The following PCCA variants were observed in gnomAD, a reference collection of about 807,000 sequenced individuals.
PCCA encodes the protein propionyl-CoA carboxylase alpha chain, mitochondrial.
A neutral mutation model predicts 101.3 loss-of-function variants in PCCA; 74 were observed. The ratio of observed to expected loss-of-function variants is 0.73; its 90% confidence interval spans 0.61 to 0.89. PCCA has a LOEUF of 0.89. PCCA is among the 40% of genes least tolerant of loss of function. The pLI is 0.00. For missense variants in PCCA, 891 were observed against 907.0 expected (o/e 0.98, Z 0.23); for synonymous variants, 294 against 313.6 (o/e 0.94, Z 0.66).
intron 20 of PCCA, among the ~76,000 whole-genome samples, 164 bp from the exon 21 acceptor site, chr13:100,449,088 C>A (rs776200569): frequency 1.3e-5 from 2 of 152,216 alleles, no homozygotes; most frequent in Non-Finnish European, 2.9e-5. Flanking sequence ...TGTATCACTA[C>A]TTCATTCCTT....
At chr13:100,224,010 T>C (rs2059981178) in intron 7 of PCCA, among the ~76,000 whole-genome samples, 1 of 152,268 alleles carries the variant, frequency 6.6e-6, no homozygotes, top group Admixed American at 6.5e-5. Context: ...GCACCGGGGC[T>C]GCAGGTGGAG....
intron 5 of PCCA, among the ~76,000 whole-genome samples, chr13:100,155,655 A>C (rs2053804785): frequency 6.6e-6 from 1 of 152,218 alleles, no homozygotes; most frequent in African/African-American, 2.4e-5. Flanking sequence ...TTCTGATATC[A>C]GAAACAGTGT....
At chr13:100,320,188 CTGCTGAAAT>C (rs1333090667) in intron 16 of PCCA, among the ~76,000 whole-genome samples, 2 of 152,056 alleles carry the variant, frequency 1.3e-5, no homozygotes, top group African/African-American at 2.4e-5. Flanking sequence ...TATCCTGAGA[CTGCTGAAAT>C]TGCTTATCAG....
chr13:100,184,279 T>C (rs1397474426), intron 6 of PCCA, among the ~76,000 whole-genome samples: 1 of 152,188 alleles, frequency 6.6e-6, no homozygotes, highest in Non-Finnish European at 1.5e-5. Context: ...AGTTCCTGTC[T>C]CTTGATTGTT....
chr13:100,105,819 T>C (rs1192988741), intron 2 of PCCA, among the ~76,000 whole-genome samples: 2 of 109,866 alleles, frequency 1.8e-5, no homozygotes, highest in Admixed American at 2.9e-4. Flanking sequence ...TCCAGACTGC[T>C]AGGCTAAAGG....
chr13:100,433,756 C>T (rs1595886284), intron 20 of PCCA, among the ~76,000 whole-genome samples: 1 of 152,286 alleles, frequency 6.6e-6, no homozygotes, highest in Admixed American at 6.5e-5. Context: ...TTCTTGCTTG[C>T]TTTATATTGT....
intron 11 of PCCA, among the ~76,000 whole-genome samples, chr13:100,269,517 C>T (rs781547160): frequency 1.3e-5 from 2 of 152,118 alleles, no homozygotes; most frequent in Non-Finnish European, 2.9e-5. Flanking sequence ...ATTATCAGAG[C>T]CACTTTGGGT....
chr13:100,353,807 G>A (rs1331612080), intron 18 of PCCA, among the ~76,000 whole-genome samples: 3 of 151,990 alleles, frequency 2.0e-5, no homozygotes, highest in African/African-American at 7.2e-5. Flanking sequence ...ACAAGAATAT[G>A]CTGCGCATGG....
At chr13:100,275,104 C>T (rs1485189673) in intron 12 of PCCA, among the ~76,000 whole-genome samples, 1 of 152,050 alleles carries the variant, frequency 6.6e-6, no homozygotes, top group Non-Finnish European at 1.5e-5. Flanking sequence ...CTGGGTCGAG[C>T]TTAAGCCTTC....
At chr13:100,344,050 G>A (rs180743772) in intron 18 of PCCA, among the ~76,000 whole-genome samples, 120 of 152,342 alleles carry the variant, frequency 7.9e-4, no homozygotes, top group African/African-American at 2.5e-3. Flanking sequence ...ACTCCAGCCC[G>A]GGTAACAGAG....
At chr13:100,502,589 G>A (rs372791623) in intron 21 of PCCA, among the ~76,000 whole-genome samples, 1 of 152,306 alleles carries the variant, frequency 6.6e-6, no homozygotes, top group South Asian at 2.1e-4. Context: ...TTAGACCACA[G>A]GGAATCGACC....
Position 100,217,798 on chromosome 13 carries a change from G to T in PCCA, c.600+8335G>T, listed in dbSNP as rs186284663. ...AGAACCCTGGGGGCGGAGGTTTTTTGTGTGTGTGTGGCTGAGTGATATTCA... is the reference window on the plus strand; with the variant it reads ...AGAACCCTGGGGGCGGAGGTTTTTTTTGTGTGTGTGGCTGAGTGATATTCA... On this transcript the variant is annotated intron_variant, in intron 7 of 23. Coordinates refer to ENST00000376285, the MANE Select transcript of PCCA (RefSeq NM_000282.4). Among the ~76,000 whole-genome samples the T allele has an allele frequency of 6.5e-3, 956 of 146,292 alleles. 15 individuals carry two copies. Among genetic ancestry groups the T allele is most frequent in the African/African-American group, 0.015 (583 of 39,422 alleles).
intron 19 of PCCA, among the ~76,000 whole-genome samples, chr13:100,387,136 G>C (rs1189356625): frequency 6.6e-6 from 1 of 152,140 alleles, no homozygotes; most frequent in Non-Finnish European, 1.5e-5. Context: ...AAATTCTTTG[G>C]CTAGCACTTC....
At chr13:100,423,835 T>G (rs1349131559) in intron 19 of PCCA, among the ~76,000 whole-genome samples, 1 of 152,194 alleles carries the variant, frequency 6.6e-6, no homozygotes, top group African/African-American at 2.4e-5. Flanking sequence ...GAATGATGCT[T>G]AGATCTGCCT....
chr13:100,226,056 G>T (rs1480736366), intron 7 of PCCA, among the ~76,000 whole-genome samples: 1 of 152,126 alleles, frequency 6.6e-6, no homozygotes, highest in African/African-American at 2.4e-5. Context: ...CTCCCAAAGT[G>T]CTGGAATTGC....
intron 21 of PCCA, chr13:100,491,484 G>A (rs2084903962): frequency 3.1e-6 from 1 of 323,406 alleles, no homozygotes; most frequent in Non-Finnish European, 6.1e-6. Context: ...AGGCAAAAAT[G>A]GAAAGGGTAA....
intron 6 of PCCA, among the ~76,000 whole-genome samples, chr13:100,198,664 A>T (rs1030570399): frequency 2.6e-5 from 4 of 151,812 alleles, no homozygotes; most frequent in Non-Finnish European, 5.9e-5. Flanking sequence ...ATGCCTGGCT[A>T]TTTTTTATAT....
chr13:100,103,665 T>A (rs1043626512), intron 2 of PCCA, among the ~76,000 whole-genome samples: 3 of 141,310 alleles, frequency 2.1e-5, no homozygotes, highest in Admixed American at 2.1e-4. Flanking sequence ...AGATGGAGTC[T>A]TGCTCTTTTG....
chr13:100,527,277 C>A (rs1179020980), intron 22 of PCCA: 1 of 473,430 alleles, frequency 2.1e-6, no homozygotes, highest in East Asian at 6.9e-5. Flanking sequence ...CAGTGACTCC[C>A]CTTCCCTCTT....
Sources: allele counts gnomAD v4.1 joint callset (sites outside exome capture counted in the v4.1 genomes callset), GRCh38; gene constraint gnomAD v4.1.1; transcripts MANE v1.5; gene names NCBI Gene and HGNC (gene_info 2026-07-23, HGNC 2026-07-21).